The following CNTN4 variants were observed in gnomAD, a reference collection of about 807,000 sequenced individuals.
The protein encoded by CNTN4 is contactin-4.
In CNTN4, 77 loss-of-function variants were observed where a neutral mutation model predicts 122.5. The ratio of observed to expected loss-of-function variants is 0.63; its 90% CI spans 0.52 to 0.76. CNTN4 has a LOEUF of 0.76. Ranked by LOEUF, CNTN4 falls within the 30% of genes least tolerant of loss-of-function variation. The pLI is 0.00. For synonymous variants in CNTN4, 512 were observed against 447.0 expected (o/e 1.15, Z -1.83); for missense variants, 1,256 against 1,259.1 (o/e 1.00, Z 0.04).
At chr3:2,371,716 A>G (rs930708466) in intron 3 of CNTN4, among the ~76,000 whole-genome samples, 5 of 152,200 alleles carry the variant, frequency 3.3e-5, no homozygotes, top group Admixed American at 1.3e-4. Flanking sequence ...ATATTTTTGA[A>G]TGAATGAATG....
At chr3:2,568,320 A>G (rs980993926) in intron 3 of CNTN4, among the ~76,000 whole-genome samples, 20 of 142,310 alleles carry the variant, frequency 1.4e-4, no homozygotes, top group Non-Finnish European at 2.4e-4. Context: ...AGAATGTGAA[A>G]AAAAAAAAAA....
chr3:2,898,465 C>T (rs2094138675), intron 10 of CNTN4, among the ~76,000 whole-genome samples: 1 of 152,146 alleles, frequency 6.6e-6, no homozygotes, highest in South Asian at 2.1e-4. Flanking sequence ...ACAGAATGAG[C>T]CCTCAGAAGT....
intron 7 of CNTN4, among the ~76,000 whole-genome samples, chr3:2,826,872 G>T (rs1296868079): frequency 1.3e-5 from 2 of 152,086 alleles, no homozygotes; most frequent in African/African-American, 4.8e-5. Flanking sequence ...CCCCAAACTG[G>T]TTCCTGGGTT....
At chr3:2,287,888 T>C (rs1468424299) in intron 2 of CNTN4, among the ~76,000 whole-genome samples, 2 of 152,162 alleles carry the variant, frequency 1.3e-5, no homozygotes, top group Non-Finnish European at 2.9e-5. Context: ...TGTATTACAT[T>C]GCAAGAATAC....
chr3:2,347,997 C>A (rs986069986), intron 3 of CNTN4, among the ~76,000 whole-genome samples: 5 of 151,740 alleles, frequency 3.3e-5, no homozygotes, highest in African/African-American at 1.2e-4. Flanking sequence ...TTTTACTGTG[C>A]CAACTGAATT....
At chr3:2,935,650 G>A (rs1231539173) in intron 13 of CNTN4, among the ~76,000 whole-genome samples, 1 of 152,188 alleles carries the variant, frequency 6.6e-6, no homozygotes, top group Non-Finnish European at 1.5e-5. Flanking sequence ...ACGGAAAAGG[G>A]ACGAAACAGT....
chr3:2,761,169 G>A (rs374215439), intron 6 of CNTN4, among the ~76,000 whole-genome samples: 34 of 152,084 alleles, frequency 2.2e-4, no homozygotes, highest in African/African-American at 7.7e-4. Flanking sequence ...ATTTTAAATG[G>A]GCGGTTTTTC....
At position 2,735,855 on chromosome 3, in the gene CNTN4, A is replaced by C. The variant is rs1174162796; in HGVS notation, c.56-360A>C. The stretch of plus-strand genomic sequence containing the variant: ...GTTAGCTTTATGACACTAGACAGCC[A>C]TCCACAATGACAGTAGCACAAAAGG... On this transcript the variant is annotated intron_variant, in intron 4 of 24. Transcript: ENST00000418658. 7.0e-6 allele frequency: 3 copies of C among 428,374 alleles called. No homozygotes were observed. The Admixed American group carries it at 9.1e-5, about 13-fold the overall frequency. The allele number at this position is 428,374 out of a possible 1,614,324, so 26.5% of individuals were successfully genotyped here.
chr3:2,769,346 T>A (rs767428734), intron 6 of CNTN4, among the ~76,000 whole-genome samples: 6 of 151,730 alleles, frequency 4.0e-5, no homozygotes, highest in Non-Finnish European at 8.8e-5. Flanking sequence ...ACACCTGTAG[T>A]CCTAGCTATC....
At position 2,941,815 on chromosome 3, in the gene CNTN4, G is replaced by A. The variant is rs184600056; in HGVS notation, c.1358+16036G>A. Among the ~76,000 whole-genome samples, 14 of 152,244 alleles carry A rather than the reference G, an allele frequency of 9.2e-5. No homozygotes were observed. The East Asian group carries it at 2.7e-3, about 29-fold the overall frequency. On this transcript the variant is annotated intron_variant, in intron 13 of 24. Coordinates refer to ENST00000418658, the MANE Select transcript of CNTN4 (RefSeq NM_175607.3). ...CAACCTACAAGGTATGGCATGGTCT[G>A]GCTCCTTGCTGTATTATTTTTGTGT...
At chr3:2,134,608 G>T (rs546147127) in intron 2 of CNTN4, among the ~76,000 whole-genome samples, 1 of 152,258 alleles carries the variant, frequency 6.6e-6, no homozygotes, top group South Asian at 2.1e-4. Context: ...GGGGCATCTT[G>T]GTCTCCAGGG....
chr3:2,883,819 A>G (rs928381651), intron 9 of CNTN4, among the ~76,000 whole-genome samples: 1 of 152,230 alleles, frequency 6.6e-6, no homozygotes, highest in Non-Finnish European at 1.5e-5. Context: ...CTTCCTTGAG[A>G]AAAGCCTACT....
At chr3:2,686,581 T>C (rs533609406) in intron 4 of CNTN4, among the ~76,000 whole-genome samples, 1 of 152,328 alleles carries the variant, frequency 6.6e-6, no homozygotes, top group African/African-American at 2.4e-5. Context: ...TGTGCATACA[T>C]TATACAATGA....
chr3:2,866,825 T>G lies in CNTN4; in HGVS notation c.528T>G (p.Thr176=), dbSNP rs1001065119. 5.6e-6 allele frequency: 9 copies of G among 1,613,856 alleles called. No homozygotes were observed. Among genetic ancestry groups the G allele is most frequent in the Non-Finnish European group, 7.6e-6 (9 of 1,179,868 alleles). The change falls in exon 8 of 25, where the codon ACT becomes ACG. Residue 176 remains threonine, a synonymous_variant. Coordinates refer to ENST00000418658, the MANE Select transcript of CNTN4 (RefSeq NM_175607.3). ...ATCGCCGCTTTGTTTCTCAAGAGAC[T>G]GGGAATCTGTATATTGCCAAAGTAG... is the stretch of plus-strand genomic sequence containing the variant. ...QDNRRFVSQE[T]GNLYIAKVEK...
At chr3:2,577,107 C>A (rs1359779510) in intron 4 of CNTN4, among the ~76,000 whole-genome samples, 2 of 152,184 alleles carry the variant, frequency 1.3e-5, no homozygotes, top group Non-Finnish European at 2.9e-5. Context: ...GTCTCAGTTT[C>A]CCACAATAAC....
intron 4 of CNTN4, among the ~76,000 whole-genome samples, chr3:2,645,315 G>A (rs1040321080): frequency 2.0e-5 from 3 of 152,056 alleles, no homozygotes; most frequent in Admixed American, 1.3e-4. Context: ...TTGTAAAGAG[G>A]TTCTTCTGAC....
At chr3:2,655,645 A>G (rs984746265) in intron 4 of CNTN4, among the ~76,000 whole-genome samples, 2 of 152,200 alleles carry the variant, frequency 1.3e-5, no homozygotes, top group African/African-American at 2.4e-5. Context: ...GTACAACATT[A>G]TAGTGACATA....
chr3:2,665,252 G>C (rs952300509), intron 4 of CNTN4, among the ~76,000 whole-genome samples: 2 of 152,152 alleles, frequency 1.3e-5, no homozygotes, highest in Non-Finnish European at 2.9e-5. Context: ...TACAGAATTT[G>C]TACTTTTTTA....
chr3:2,987,797 A>G (rs539865703), intron 13 of CNTN4, among the ~76,000 whole-genome samples: 24 of 152,252 alleles, frequency 1.6e-4, no homozygotes, highest in African/African-American at 5.8e-4. Flanking sequence ...TGCCAAAGTC[A>G]CGCTGAGTCG....
Sources: allele counts gnomAD v4.1 joint callset (sites outside exome capture counted in the v4.1 genomes callset), GRCh38; gene constraint gnomAD v4.1.1; transcripts MANE v1.5; gene names NCBI Gene and HGNC (gene_info 2026-07-23, HGNC 2026-07-21).